Variants in OSBPL1A observed in about 807,000 individuals in gnomAD.
OSBPL1A encodes the protein oxysterol-binding protein-related protein 1.
Under a neutral mutation model 137.1 loss-of-function variants are expected in OSBPL1A, and 80 were observed. That is an observed-to-expected ratio of 0.58 (90% CI 0.49 to 0.70). OSBPL1A has a LOEUF of 0.70. Among genes scored for constraint, OSBPL1A ranks in the 30% least tolerant of loss-of-function variants. The pLI, the probability that OSBPL1A is intolerant of heterozygous loss-of-function variation, is 0.00. For missense variants in OSBPL1A, 970 were observed against 1,129.4 expected (o/e 0.86, Z 2.02); for synonymous variants, 365 against 389.7 (o/e 0.94, Z 0.75).
intron 18 of OSBPL1A, among the ~76,000 whole-genome samples, chr18:24,192,652 A>T (rs2086918480): frequency 6.6e-6 from 1 of 152,174 alleles, no homozygotes; most frequent in Non-Finnish European, 1.5e-5. Flanking sequence ...ATGGGAGTGG[A>T]GGAGATGGGG....
intron 4 of OSBPL1A, among the ~76,000 whole-genome samples, chr18:24,361,271 C>T (rs1312962065): frequency 6.6e-6 from 1 of 152,230 alleles, no homozygotes; most frequent in Non-Finnish European, 1.5e-5. Flanking sequence ...AAGCAGTCCA[C>T]CTGCCTCAGC....
chr18:24,237,634 A>G (rs1312909302), intron 16 of OSBPL1A, among the ~76,000 whole-genome samples: 1 of 152,202 alleles, frequency 6.6e-6, no homozygotes, highest in Admixed American at 6.5e-5. Flanking sequence ...AAAAGAATAT[A>G]TAACATGAGC....
chr18:24,391,276 T>C (rs953204847), intron 1 of OSBPL1A, among the ~76,000 whole-genome samples: 5 of 152,098 alleles, frequency 3.3e-5, no homozygotes, highest in Admixed American at 2.6e-4. Flanking sequence ...TGGTTGCCGG[T>C]GGCTCGGAGA....
intron 14 of OSBPL1A, among the ~76,000 whole-genome samples, chr18:24,301,723 C>A (rs543158846): frequency 6.6e-6 from 1 of 152,068 alleles, no homozygotes; most frequent in African/African-American, 2.4e-5. Flanking sequence ...AACTAATAAT[C>A]AAAATAACCT....
At chr18:24,264,116 T>G (rs1047742124) in intron 15 of OSBPL1A, among the ~76,000 whole-genome samples, 1 of 152,170 alleles carries the variant, frequency 6.6e-6, no homozygotes, top group East Asian at 1.9e-4. Flanking sequence ...CAGTTCCCAA[T>G]AGGGATTGAC....
At chr18:24,309,654 G>C (rs1055331792) in intron 13 of OSBPL1A, among the ~76,000 whole-genome samples, 10 of 152,114 alleles carry the variant, frequency 6.6e-5, no homozygotes, top group African/African-American at 2.2e-4. Context: ...GGGCATCCTG[G>C]AGCCAGTCTA....
At chr18:24,325,971 C>G (rs1332880596) in intron 7 of OSBPL1A, among the ~76,000 whole-genome samples, 2 of 151,744 alleles carry the variant, frequency 1.3e-5, no homozygotes, top group Non-Finnish European at 2.9e-5. Flanking sequence ...GCCCAGCCTA[C>G]AAACTCCTGG....
At chr18:24,191,710 T>C (rs1233779809) in intron 18 of OSBPL1A, among the ~76,000 whole-genome samples, 1 of 152,188 alleles carries the variant, frequency 6.6e-6, no homozygotes, top group Non-Finnish European at 1.5e-5. Flanking sequence ...AAGTAATCGA[T>C]AAAAGACCCT....
intron 18 of OSBPL1A, among the ~76,000 whole-genome samples, chr18:24,183,651 G>C (rs991599089): frequency 1.3e-5 from 2 of 151,844 alleles, no homozygotes; most frequent in Non-Finnish European, 2.9e-5. Flanking sequence ...GGCCAGGCTG[G>C]TCTTGAACTC....
chr18:24,309,058 A>T (rs1189587934), intron 13 of OSBPL1A, among the ~76,000 whole-genome samples: 2 of 152,238 alleles, frequency 1.3e-5, no homozygotes, highest in African/African-American at 4.8e-5. Context: ...GGCGTAAGCC[A>T]CCGTGCCCAG....
At chr18:24,225,427 C>G (rs2088041692) in intron 16 of OSBPL1A, among the ~76,000 whole-genome samples, 1 of 152,180 alleles carries the variant, frequency 6.6e-6, no homozygotes, top group Non-Finnish European at 1.5e-5. Context: ...TACAAGTAAA[C>G]AGATCTCACA....
chr18:24,325,072 C>T (rs968503019), intron 7 of OSBPL1A, among the ~76,000 whole-genome samples: 1 of 150,416 alleles, frequency 6.6e-6, no homozygotes, highest in Non-Finnish European at 1.5e-5. Flanking sequence ...GGTGACAGAG[C>T]GAGACTCAGT....
intron 11 of OSBPL1A, 53 bp downstream of exon 11, chr18:24,317,096 T>C (rs1426256978): frequency 6.3e-7 from 1 of 1,578,392 alleles, no homozygotes; most frequent in African/African-American, 1.3e-5. Flanking sequence ...GGTCAATCAC[T>C]TGAAGAACTG....
At position 24,249,000 on chromosome 18, in the gene OSBPL1A, C is replaced by T. The variant is rs114669163; in HGVS notation, c.1282-9618G>A. On this transcript the variant is annotated intron_variant, in intron 15 of 27. Coordinates refer to ENST00000319481, the MANE Select transcript of OSBPL1A (RefSeq NM_080597.4). ...CTGAAACAAAAGTCGTGTTCACTCC[C>T]ACGGTATGCTACCAATAGTGGATTC... Among the ~76,000 whole-genome samples the T allele has an allele frequency of 9.3e-3, 1,416 of 152,312 alleles. 20 individuals carry two copies. The highest frequency in any genetic ancestry group is 0.032 in the African/African-American group (1,313 of 41,568).
intron 17 of OSBPL1A, among the ~76,000 whole-genome samples, chr18:24,204,667 G>A (rs1246300626): frequency 6.6e-6 from 1 of 151,556 alleles, no homozygotes; most frequent in African/African-American, 2.4e-5. Context: ...CTCTTTAAGG[G>A]GTATGTCCTT....
chr18:24,392,746 A>G (rs1352370861), intron 1 of OSBPL1A, among the ~76,000 whole-genome samples: 1 of 152,184 alleles, frequency 6.6e-6, no homozygotes, highest in Admixed American at 6.5e-5. Flanking sequence ...GATGGAGTGC[A>G]GTGGCACAAT....
At chr18:24,250,246 G>A (rs2089046027) in intron 15 of OSBPL1A, among the ~76,000 whole-genome samples, 1 of 149,624 alleles carries the variant, frequency 6.7e-6, no homozygotes, top group Non-Finnish European at 1.5e-5. Context: ...GTGTGATCTT[G>A]GCTCACTGCA....
intron 18 of OSBPL1A, 192 bp downstream of exon 18, chr18:24,195,933 C>T: frequency 1.9e-6 from 1 of 534,144 alleles, no homozygotes; most frequent in Non-Finnish European, 3.3e-6. Flanking sequence ...CAAAAATGCA[C>T]ACTAAAGCCA....
At chr18:24,376,143 G>A (rs757234883) in intron 2 of OSBPL1A, among the ~76,000 whole-genome samples, 4 of 152,204 alleles carry the variant, frequency 2.6e-5, no homozygotes, top group Non-Finnish European at 5.9e-5. Context: ...TGCTGGCTCC[G>A]GCAGCCTGCT....
Sources: allele counts gnomAD v4.1 joint callset (sites outside exome capture counted in the v4.1 genomes callset), GRCh38; gene constraint gnomAD v4.1.1; transcripts MANE v1.5; gene names NCBI Gene and HGNC (gene_info 2026-07-23, HGNC 2026-07-21).